The following SGCZ variants were observed in gnomAD, a reference collection of about 807,000 sequenced individuals.
The protein encoded by SGCZ is sarcoglycan zeta, also known as zeta-sarcoglycan.
A neutral mutation model predicts 41.3 loss-of-function variants in SGCZ; 40 were observed. The ratio of observed to expected loss-of-function variants is 0.97; its 90% CI spans 0.75 to 1.26. The LOEUF is 1.26. Among genes scored for constraint, SGCZ ranks in the 50% most tolerant of loss-of-function variants. The pLI is 0.00. For missense variants in SGCZ, 552 were observed against 369.8 expected, an observed-to-expected ratio of 1.49 and a Z score of -4.04; for synonymous variants, 206 against 137.5, an observed-to-expected ratio of 1.50 and a Z score of -3.49.
intron 1 of SGCZ, among the ~76,000 whole-genome samples, chr8:14,822,261 C>T (rs1802125273): frequency 6.6e-6 from 1 of 151,978 alleles, no homozygotes; most frequent in African/African-American, 2.4e-5. Flanking sequence ...AAAATGATAG[C>T]TAAGAATAAA....
chr8:14,475,297 T>C (rs1332825765), intron 2 of SGCZ, among the ~76,000 whole-genome samples: 1 of 152,158 alleles, frequency 6.6e-6, no homozygotes, highest in Non-Finnish European at 1.5e-5. Context: ...CAATTCATAA[T>C]AAAAGAATTG....
At chr8:14,761,535 A>AT (rs754016787) in intron 1 of SGCZ, among the ~76,000 whole-genome samples, 5,507 of 135,672 alleles carry the variant, frequency 0.041, 159 homozygotes, top group South Asian at 0.078. Context: ...TTATTTATTT[A>AT]TTTATTTTTT....
At chr8:14,392,828 A>G (rs1804822880) in intron 2 of SGCZ, among the ~76,000 whole-genome samples, 1 of 105,796 alleles carries the variant, frequency 9.5e-6, no homozygotes, top group Non-Finnish European at 1.8e-5. Context: ...TCAAATTCTA[A>G]GTGAGATTTG....
At chr8:15,087,357 A>G (rs1805987116) in intron 1 of SGCZ, among the ~76,000 whole-genome samples, 1 of 152,108 alleles carries the variant, frequency 6.6e-6, no homozygotes, top group Non-Finnish European at 1.5e-5. Context: ...GCACAGTTCC[A>G]TGTGCATGTT....
chr8:14,709,590 A>C (rs950153191), intron 1 of SGCZ, among the ~76,000 whole-genome samples: 1 of 152,216 alleles, frequency 6.6e-6, no homozygotes, highest in African/African-American at 2.4e-5. Context: ...AAGTTAAAGC[A>C]CTATTAAAAT....
At chr8:14,941,040 T>G (rs1800258082) in intron 1 of SGCZ, among the ~76,000 whole-genome samples, 1 of 151,960 alleles carries the variant, frequency 6.6e-6, no homozygotes, top group Non-Finnish European at 1.5e-5. Flanking sequence ...AGGAAAATAC[T>G]AAATAGACAG....
At chr8:14,977,034 A>C (rs914401511) in intron 1 of SGCZ, among the ~76,000 whole-genome samples, 1 of 152,248 alleles carries the variant, frequency 6.6e-6, no homozygotes, top group Non-Finnish European at 1.5e-5. Context: ...TTGAGTCTAC[A>C]AACACCAATG....
chr8:15,222,026 C>T (rs1801621578), intron 1 of SGCZ, among the ~76,000 whole-genome samples: 1 of 152,158 alleles, frequency 6.6e-6, no homozygotes, highest in Non-Finnish European at 1.5e-5. Flanking sequence ...ATTATTTCCT[C>T]TTATTCACTT....
chr8:14,227,571 A>G (rs1480448188), intron 4 of SGCZ, among the ~76,000 whole-genome samples: 2 of 152,114 alleles, frequency 1.3e-5, no homozygotes, highest in Non-Finnish European at 2.9e-5. Flanking sequence ...TATTGGAAAC[A>G]CAGGTTGCAA....
At chr8:14,785,936 G>T in intron 1 of SGCZ, among the ~76,000 whole-genome samples, 3 of 147,300 alleles carry the variant, frequency 2.0e-5, no homozygotes, top group South Asian at 2.1e-4. Context: ...CCAGAATCCA[G>T]TTCTCATTTA....
intron 5 of SGCZ, among the ~76,000 whole-genome samples, chr8:14,116,512 G>A (rs866268937): frequency 4.5e-4 from 69 of 152,128 alleles, no homozygotes; most frequent in African/African-American, 1.3e-3. Context: ...AAAAATTCAC[G>A]TAAAAACTGA....
intron 5 of SGCZ, among the ~76,000 whole-genome samples, chr8:14,135,755 C>G (rs1803176877): frequency 6.6e-6 from 1 of 152,128 alleles, no homozygotes; most frequent in Non-Finnish European, 1.5e-5. Context: ...TTTTACATAT[C>G]TTCCAAAAAA....
At chr8:14,519,901 A>G (rs1456417025) in intron 2 of SGCZ, among the ~76,000 whole-genome samples, 3 of 152,168 alleles carry the variant, frequency 2.0e-5, no homozygotes, top group African/African-American at 7.2e-5. Context: ...CCTCTGGTAG[A>G]GTGGTTATGT....
chr8:15,083,390 T>G (rs1256362387), intron 1 of SGCZ, among the ~76,000 whole-genome samples: 1 of 152,210 alleles, frequency 6.6e-6, no homozygotes, highest in Non-Finnish European at 1.5e-5. Context: ...ACTTTTTTCA[T>G]TAAACAAAAT....
chr8:14,438,219 A>G (rs1800147337), intron 2 of SGCZ, among the ~76,000 whole-genome samples: 1 of 152,040 alleles, frequency 6.6e-6, no homozygotes. Context: ...ATCACTAAGA[A>G]TCAGTTCTAG....
At chr8:15,024,423 T>C (rs1254502424) in intron 1 of SGCZ, among the ~76,000 whole-genome samples, 1 of 152,216 alleles carries the variant, frequency 6.6e-6, no homozygotes, top group African/African-American at 2.4e-5. Context: ...ATTTACTTTT[T>C]AGCTCCTTGA....
At chr8:14,578,620 G>T (rs549400986) in intron 1 of SGCZ, among the ~76,000 whole-genome samples, 1 of 152,312 alleles carries the variant, frequency 6.6e-6, no homozygotes, top group Non-Finnish European at 1.5e-5. Context: ...TGCTAAAACT[G>T]TTGATTAATT....
At chr8:14,872,087 A>G (rs1240355150) in intron 1 of SGCZ, among the ~76,000 whole-genome samples, 1 of 151,972 alleles carries the variant, frequency 6.6e-6, no homozygotes, top group Non-Finnish European at 1.5e-5. Context: ...CAAACATTCC[A>G]TGTTCTCACT....
At chr8:14,893,855 T>C (rs142073008) in intron 1 of SGCZ, among the ~76,000 whole-genome samples, 345 of 152,312 alleles carry the variant, frequency 2.3e-3, no homozygotes, top group South Asian at 7.5e-3. Context: ...AGGATTTTTC[T>C]AAGATGTCAA....
Sources: allele counts gnomAD v4.1 joint callset (sites outside exome capture counted in the v4.1 genomes callset), GRCh38; gene constraint gnomAD v4.1.1; transcripts MANE v1.5; gene names NCBI Gene and HGNC (gene_info 2026-07-23, HGNC 2026-07-21).